Variants in CFAP221 observed in about 807,000 individuals in gnomAD.
CFAP221 encodes cilia- and flagella-associated protein 221.
A neutral mutation model predicts 113.1 loss-of-function variants in CFAP221; 97 were observed. That is an observed-to-expected ratio of 0.86 (90% confidence interval 0.73 to 1.02). The LOEUF (loss-of-function observed/expected upper bound fraction) is 1.02. Ranked by LOEUF, CFAP221 falls within the 50% of genes least tolerant of loss-of-function variation. The pLI is 0.00. For synonymous variants in CFAP221, 331 were observed against 354.4 expected (o/e 0.93, Z 0.74); for missense variants, 1,025 against 1,013.4 (o/e 1.01, Z -0.16).
At chr2:119,633,575 AT>A (rs1398083247) in intron 19 of CFAP221, among the ~76,000 whole-genome samples, 5 of 151,952 alleles carry the variant, frequency 3.3e-5, no homozygotes, top group African/African-American at 1.2e-4. Context: ...CAAACTATAT[AT>A]TTGATAAGGA....
chr2:119,575,554 G>A (rs768393449), intron 6 of CFAP221, among the ~76,000 whole-genome samples: 1 of 152,132 alleles, frequency 6.6e-6, no homozygotes, highest in Non-Finnish European at 1.5e-5. Flanking sequence ...GATTCACAGA[G>A]ACAAAATAAA....
chr2:119,659,845 G>A (rs370450632), downstream of CFAP221, among the ~76,000 whole-genome samples: 5 of 152,328 alleles, frequency 3.3e-5, no homozygotes, highest in East Asian at 3.9e-4. Flanking sequence ...TCTGAGGCAA[G>A]GCCTACCTAG....
rs375354552 is a variant in CFAP221 at position 119,656,521 on chromosome 2, G to A, written c.*51G>A. On this transcript the variant is annotated 3_prime_UTR_variant, in exon 24 of 24. Coordinates refer to ENST00000413369, the MANE Select transcript of CFAP221 (RefSeq NM_001271049.2). ...CATTTGCTTTCCGTGGGCCACTGTG[G>A]CCCCTTGCGTCCATTTACATGCCAG... 2.7e-5 allele frequency: 36 copies of A among 1,318,944 alleles called. No individual in the cohort carries two copies. The highest frequency in any genetic ancestry group is 1.9e-4 in the Middle Eastern group (1 of 5,186). 81.7% of individuals were successfully genotyped at this position (1,318,944 alleles called of 1,614,324 possible).
intron 13 of CFAP221, among the ~76,000 whole-genome samples, chr2:119,612,631 T>C (rs999935252): frequency 1.3e-5 from 2 of 152,222 alleles, no homozygotes; most frequent in African/African-American, 4.8e-5. Flanking sequence ...ATTCTGCCTC[T>C]GGCCCCTCCC....
At position 119,552,768 on chromosome 2, in the gene CFAP221, A is replaced by G. The variant is rs1232757060; in HGVS notation, c.240+3583A>G. ...AGAAATATTTCTTTAATAAGAAATA[A>G]ATAGAAATATTTCTTTCTTTAATAA... On this transcript the variant is annotated intron_variant, in intron 3 of 23. Transcript: ENST00000413369. Among the ~76,000 whole-genome samples the G allele has an allele frequency of 2.1e-5, 2 of 97,228 alleles. 1 individual carries two copies. Among genetic ancestry groups the G allele is most frequent in the African/African-American group, 8.0e-5 (2 of 25,106 alleles). 63.8% of individuals were successfully genotyped at this position (97,228 alleles called of 152,430 possible).
intron 11 of CFAP221, among the ~76,000 whole-genome samples, chr2:119,607,996 A>G (rs1441914680): frequency 3.3e-5 from 5 of 152,176 alleles, no homozygotes. Context: ...ATGTGACCAT[A>G]TCTTTTCAGT....
intron 16 of CFAP221, 111 bp from the exon 17 acceptor site, chr2:119,629,764 T>G: frequency 1.2e-6 from 1 of 804,452 alleles, no homozygotes; most frequent in Non-Finnish European, 1.9e-6. Context: ...CAGGAGGAGT[T>G]GCTCTGAGAG....
At chr2:119,631,694 TAGAA>T (rs1402582161) in intron 19 of CFAP221, among the ~76,000 whole-genome samples, 12 of 151,586 alleles carry the variant, frequency 7.9e-5, no homozygotes, top group African/African-American at 2.9e-4. Context: ...TCAAATGAAA[TAGAA>T]AGCAGAAAAA....
downstream of CFAP221, among the ~76,000 whole-genome samples, chr2:119,657,951 G>T (rs1019987123): frequency 6.6e-6 from 1 of 152,200 alleles, no homozygotes; most frequent in African/African-American, 2.4e-5. Context: ...TGTTTACCTT[G>T]GTTGCTTGGC....
At chr2:119,565,217 G>T (rs1429980475) in intron 6 of CFAP221, among the ~76,000 whole-genome samples, 1 of 152,024 alleles carries the variant, frequency 6.6e-6, no homozygotes, top group Non-Finnish European at 1.5e-5. Context: ...GTATTAAATG[G>T]TCTGTGCAGG....
At chr2:119,585,173 G>A (rs750665811) in intron 6 of CFAP221, among the ~76,000 whole-genome samples, 39 of 152,228 alleles carry the variant, frequency 2.6e-4, no homozygotes, top group Middle Eastern at 6.8e-3. Context: ...AGCAAAAATA[G>A]CAAGTTTCAG....
intron 6 of CFAP221, 107 bp downstream of exon 6, chr2:119,562,221 C>G: frequency 3.9e-6 from 2 of 510,206 alleles, no homozygotes; most frequent in South Asian, 2.9e-5. Flanking sequence ...ATCCTTCCAC[C>G]TGAAATAGAC....
At chr2:119,635,112 A>G (rs1467833022) in intron 19 of CFAP221, among the ~76,000 whole-genome samples, 2 of 152,242 alleles carry the variant, frequency 1.3e-5, no homozygotes, top group African/African-American at 2.4e-5. Context: ...TGCACACGAG[A>G]AGATGCACAG....
At chr2:119,609,252 CAGAGGAGA>C (rs1325534804) in intron 12 of CFAP221, among the ~76,000 whole-genome samples, 1 of 152,108 alleles carries the variant, frequency 6.6e-6, no homozygotes, top group Non-Finnish European at 1.5e-5. Flanking sequence ...ACACATGGGC[CAGAGGAGA>C]CAGGAGTCTG....
intron 11 of CFAP221, among the ~76,000 whole-genome samples, chr2:119,605,615 C>T (rs1419118523): frequency 6.6e-6 from 1 of 152,198 alleles, no homozygotes. Context: ...CATCCTCCAC[C>T]TCACCAGGAG....
chr2:119,548,417 A>G (rs1467236152), intron 2 of CFAP221, among the ~76,000 whole-genome samples: 2 of 152,200 alleles, frequency 1.3e-5, no homozygotes, highest in South Asian at 2.1e-4. Flanking sequence ...AAGCACTTAC[A>G]TAGAGTGGGT....
At chr2:119,605,379 A>C in intron 11 of CFAP221, 90 bp downstream of exon 11, 1 of 1,017,344 alleles carries the variant, frequency 9.8e-7, no homozygotes, top group South Asian at 1.5e-5. Context: ...AAAATGTAAT[A>C]ACCTTTTAGG....
At chr2:119,587,610 T>C (rs1014770075) in intron 7 of CFAP221, among the ~76,000 whole-genome samples, 5 of 152,158 alleles carry the variant, frequency 3.3e-5, no homozygotes, top group African/African-American at 1.2e-4. Context: ...AGACAGTATG[T>C]TTTTGCATGC....
At chr2:119,553,900 TTAATG>T (rs1388916451) in intron 3 of CFAP221, among the ~76,000 whole-genome samples, 1 of 152,124 alleles carries the variant, frequency 6.6e-6, no homozygotes, top group Non-Finnish European at 1.5e-5. Context: ...GGAACTCACT[TTAATG>T]TAAGAGTTGT....
Sources: allele counts gnomAD v4.1 joint callset (sites outside exome capture counted in the v4.1 genomes callset), GRCh38; gene constraint gnomAD v4.1.1; transcripts MANE v1.5; gene names NCBI Gene and HGNC (gene_info 2026-07-23, HGNC 2026-07-21).